Variants in MAP4K5 observed in about 807,000 individuals in gnomAD.
The protein encoded by MAP4K5 is mitogen-activated protein kinase kinase kinase kinase 5.
A neutral mutation model predicts 135.6 loss-of-function variants in MAP4K5; 82 were observed. The observed-to-expected ratio is 0.60, with a 90% CI of 0.51 to 0.73. MAP4K5 has a LOEUF of 0.73. Ranked by LOEUF, MAP4K5 falls within the 30% of genes least tolerant of loss-of-function variation. MAP4K5 has a pLI of 0.00. For missense variants in MAP4K5, 907 were observed against 1,010.9 expected (o/e 0.90, Z 1.39); for synonymous variants, 347 against 335.0 (o/e 1.04, Z -0.39).
rs1445511677 is a variant in MAP4K5 at position 50,456,545 on chromosome 14, C to T, written c.986G>A (p.Arg329Lys). ...HTIRSTNRNA[R>K]AERTASEINF... ...TATTTCTGAAGCTGTCCGTTCAGCT[C>T]TGGCATTCCTGTTTGTAGATCTAAT... Residue 329 changes from arginine (R) to lysine (K), a missense_variant, in exon 14 of 33, where the codon AGA becomes AAA. Physicochemically the swap from Arg to Lys is conservative, Grantham distance 26. Around this residue, in one of 3 missense-constraint regions of MAP4K5, gnomAD observed 690 missense variants for 777.4 expected, o/e 0.89. Transcript: ENST00000682126. 1 of 1,580,064 alleles carries T rather than the reference C, an allele frequency of 6.3e-7. No individual in the cohort carries two copies. The highest frequency in any genetic ancestry group is 1.2e-5 in the South Asian group (1 of 86,288).
intron 2 of MAP4K5, among the ~76,000 whole-genome samples, chr14:50,506,503 C>T (rs2037812764): frequency 1.3e-5 from 2 of 152,070 alleles, no homozygotes; most frequent in Non-Finnish European, 2.9e-5. Context: ...AGACTACAGA[C>T]ACCTGCCACT....
intron 32 of MAP4K5, among the ~76,000 whole-genome samples, chr14:50,421,354 G>A (rs111446581): frequency 0.07 from 10,657 of 151,926 alleles, 552 homozygotes; most frequent in African/African-American, 0.15. Flanking sequence ...CGCAACCTGG[G>A]TTCAAGTGAT....
chr14:50,535,122 G>T (rs571655869), upstream of MAP4K5, among the ~76,000 whole-genome samples: 11 of 152,234 alleles, frequency 7.2e-5, no homozygotes, highest in South Asian at 2.3e-3. Flanking sequence ...ATATTTTTCA[G>T]CTTTTACCCT....
chr14:50,512,666 C>A (rs1016809657), intron 2 of MAP4K5, among the ~76,000 whole-genome samples: 1 of 152,082 alleles, frequency 6.6e-6, no homozygotes, highest in African/African-American at 2.4e-5. Context: ...GTACCAGGCT[C>A]TTTTATAATG....
chr14:50,439,894 C>T, intron 23 of MAP4K5, 119 bp downstream of exon 23: 1 of 1,060,714 alleles, frequency 9.4e-7, no homozygotes, highest in Non-Finnish European at 1.3e-6. Context: ...CCACAAGTCC[C>T]AGAGTTACTA....
In MAP4K5 at chr14:50,419,130, T is replaced by C. The variant is rs771829512; in HGVS notation, c.*889A>G. On this transcript the variant is annotated 3_prime_UTR_variant, in exon 33 of 33. Transcript: ENST00000682126. ...ATACTTCCCCCTGCTACATTAGGGA[T>C]GATAATATATATGAAGATTAATTCC... 6.6e-6 allele frequency: 1 copy of C among 152,170 alleles called. No homozygotes were observed. The highest frequency in any genetic ancestry group is 1.5e-5 in the Non-Finnish European group (1 of 67,992). 9.4% of individuals were successfully genotyped at this position (152,170 alleles called of 1,614,324 possible).
intron 25 of MAP4K5, 91 bp from the exon 26 acceptor site, chr14:50,437,625 G>T: frequency 3.2e-6 from 3 of 925,678 alleles, no homozygotes; most frequent in Non-Finnish European, 4.9e-6. Context: ...AGACAGAAAG[G>T]AGCTTAAAAA....
intron 32 of MAP4K5, among the ~76,000 whole-genome samples, chr14:50,421,712 G>A (rs1257301202): frequency 6.6e-6 from 1 of 151,858 alleles, no homozygotes; most frequent in African/African-American, 2.4e-5. Context: ...GTGATAGAGT[G>A]GACAGAGAAT....
At chr14:50,451,589 T>C (rs558449574) in intron 14 of MAP4K5, among the ~76,000 whole-genome samples, 7 of 152,028 alleles carry the variant, frequency 4.6e-5, no homozygotes, top group African/African-American at 1.4e-4. Flanking sequence ...AAAAACTGAG[T>C]TGATGTCATG....
At chr14:50,536,526 TAAC>T, upstream of MAP4K5, among the ~76,000 whole-genome samples, 1 of 151,738 alleles carries the variant, frequency 6.6e-6, no homozygotes, top group Non-Finnish European at 1.5e-5. Flanking sequence ...TGGAACTGGG[TAAC>T]AGGCAGAGGT....
At chr14:50,477,632 G>C (rs991592904) in intron 6 of MAP4K5, among the ~76,000 whole-genome samples, 8 of 152,148 alleles carry the variant, frequency 5.3e-5, no homozygotes, top group Admixed American at 2.0e-4. Context: ...GCTTTATCAG[G>C]TTGACCAAGT....
At chr14:50,473,716 CTTTTT>C (rs398077753) in intron 9 of MAP4K5, among the ~76,000 whole-genome samples, 8 of 95,466 alleles carry the variant, frequency 8.4e-5, no homozygotes, top group African/African-American at 1.9e-4. Flanking sequence ...TTTGGTTTCA[CTTTTT>C]TTTTTTTTTT....
chr14:50,521,473 C>A (rs2038150533), intron 2 of MAP4K5, among the ~76,000 whole-genome samples: 1 of 152,144 alleles, frequency 6.6e-6, no homozygotes, highest in Non-Finnish European at 1.5e-5. Flanking sequence ...ACAGTGCCAT[C>A]TACTAACAGT....
chr14:50,543,100 T>A (rs942899835), intron 1 of MAP4K5, among the ~76,000 whole-genome samples: 1 of 152,212 alleles, frequency 6.6e-6, no homozygotes, highest in Non-Finnish European at 1.5e-5. Flanking sequence ...AGATCTGTTC[T>A]CCAGGTGTCA....
intron 3 of MAP4K5, among the ~76,000 whole-genome samples, chr14:50,492,297 A>T (rs2139964140): frequency 6.6e-6 from 1 of 152,212 alleles, no homozygotes; most frequent in East Asian, 1.9e-4. Context: ...AGACTGCCTC[A>T]AATTTCAAAA....
Position 50,435,065 on chromosome 14 carries a change from A to T in MAP4K5, c.1883T>A (p.Val628Asp), listed in dbSNP as rs1489810735. 1 of 1,566,190 alleles carries T rather than the reference A, an allele frequency of 6.4e-7. No homozygotes were observed. Among genetic ancestry groups the T allele is most frequent in the Non-Finnish European group, 8.7e-7 (1 of 1,142,870 alleles). Reference protein sequence around the residue: ...DTKGCHKCCIVRNPYTGHKYL... With the variant: ...DTKGCHKCCIDRNPYTGHKYL... ...TTTATGTCCCGTGTAAGGGTTTCTG[A>T]CTGGAAAGAAATAAACAAACAAAAA... Residue 628 changes from valine (V) to aspartate (D), a missense_variant and splice_region_variant, in exon 27 of 33, where the codon GTC becomes GAC. Physicochemically the swap from Val to Asp is radical, Grantham distance 152. Coordinates refer to ENST00000682126, the MANE Select transcript of MAP4K5 (RefSeq NM_006575.6).
intron 10 of MAP4K5, among the ~76,000 whole-genome samples, chr14:50,467,535 T>C (rs2036859836): frequency 3.3e-5 from 5 of 152,092 alleles, no homozygotes; most frequent in Admixed American, 2.6e-4. Context: ...GGTTCATACA[T>C]ATGTAATGGC....
intron 28 of MAP4K5, among the ~76,000 whole-genome samples, chr14:50,430,599 C>A (rs532329505): frequency 6.6e-6 from 1 of 152,240 alleles, no homozygotes; most frequent in South Asian, 2.1e-4. Flanking sequence ...AATACAGGCA[C>A]CATTCAGTAA....
At chr14:50,517,436 G>C (rs1042914968) in intron 2 of MAP4K5, among the ~76,000 whole-genome samples, 4 of 150,808 alleles carry the variant, frequency 2.7e-5, no homozygotes, top group African/African-American at 9.7e-5. Context: ...ACAGGAATGA[G>C]CCACCGCGCC....
Sources: allele counts gnomAD v4.1 joint callset (sites outside exome capture counted in the v4.1 genomes callset), GRCh38; gene constraint gnomAD v4.1.1; regional missense constraint gnomAD v4.1.1; transcripts MANE v1.5; gene names NCBI Gene and HGNC (gene_info 2026-07-23, HGNC 2026-07-21).